DRG2: variants seen among roughly 807,000 people sequenced by gnomAD.
The protein encoded by DRG2 is developmentally regulated GTP binding protein 2.
In DRG2, 36 loss-of-function variants were observed where a neutral mutation model predicts 53.4. The observed-to-expected ratio is 0.67, with a 90% CI of 0.52 to 0.89. The LOEUF (loss-of-function observed/expected upper bound fraction) is 0.89. Ranked by LOEUF, DRG2 falls within the 40% of genes least tolerant of loss-of-function variation. DRG2 has a pLI of 0.00. For synonymous variants in DRG2, 167 were observed against 192.1 expected, an observed-to-expected ratio of 0.87 and a Z score of 1.08; for missense variants, 342 against 481.2, an observed-to-expected ratio of 0.71 and a Z score of 2.71.
At position 18,107,314 on chromosome 17, in the gene DRG2, C is replaced by A; in HGVS notation, c.*74C>A. The A allele has an allele frequency of 6.9e-7, 1 of 1,439,672 alleles. No homozygotes were observed. Among genetic ancestry groups the A allele is most frequent in the East Asian group, 2.3e-5 (1 of 42,754 alleles). 89.2% of individuals were successfully genotyped at this position (1,439,672 alleles called of 1,614,324 possible). A position where few individuals can be genotyped will look rare whatever the true frequency, so the allele number is the denominator to read the frequency against. On this transcript the variant is annotated 3_prime_UTR_variant, in exon 13 of 13. Coordinates refer to ENST00000225729, the MANE Select transcript of DRG2 (RefSeq NM_001388.5). ...TGGTCCCACTGGGACACACAAACAC[C>A]CAAACAGAAAAATACAAATACACGT...
At chr17:18,101,899 GC>G (rs1327243751) in intron 8 of DRG2, 21 bp from the exon 9 acceptor site, 1 of 1,604,638 alleles carries the variant, frequency 6.2e-7, no homozygotes, top group Non-Finnish European at 8.5e-7. Context: ...CTCAGCACCG[GC>G]CTCCACCTTC....
intron 7 of DRG2, among the ~76,000 whole-genome samples, chr17:18,101,061 A>T (rs2045524863): frequency 6.6e-6 from 1 of 152,072 alleles, no homozygotes; most frequent in African/African-American, 2.4e-5. Flanking sequence ...GGGCAGAGTT[A>T]TGCCTGGCAT....
rs1567597881 is a variant in DRG2 at position 18,090,373 on chromosome 17, TATATATATATATA to T, written c.64+2287_64+2299del. 2.4e-3 allele frequency among the ~76,000 whole-genome samples: 26 copies of T among 10,858 alleles called. 3 individuals are homozygous for T. The highest frequency in any genetic ancestry group is 0.021 in the Middle Eastern group (1 of 48). The allele number at this position is 10,858 out of a possible 152,430, so 7.1% of individuals were successfully genotyped here. A position where few individuals can be genotyped will look rare whatever the true frequency, so the allele number is the denominator to read the frequency against. ...CACCACCACACCGGGCTAATTTATA[TATATATATATATA>T]TATATATATATATATATATATTTTT... On this transcript the variant is annotated intron_variant, in intron 1 of 12. Coordinates refer to ENST00000225729, the MANE Select transcript of DRG2 (RefSeq NM_001388.5).
rs2045575578 is a variant in DRG2 at position 18,103,517 on chromosome 17, T to C, written c.807-284T>C. The stretch of plus-strand genomic sequence containing the variant: ...GTCACAGCCCCCGGCCATCTCGCCA[T>C]GGCAGCCCTTCACTAATCACACATG... On this transcript the variant is annotated intron_variant, in intron 9 of 12. Transcript: ENST00000225729. The surrounding 1 kb of genome is among the most constrained non-coding windows in gnomAD (Gnocchi z 4.4). Among the ~76,000 whole-genome samples, 1 of 152,186 alleles carries C rather than the reference T, an allele frequency of 6.6e-6. No homozygotes were observed. The highest frequency in any genetic ancestry group is 1.5e-5 in the Non-Finnish European group (1 of 68,024).
chr17:18,088,336 G>T lies in DRG2; in HGVS notation c.64+249G>T, dbSNP rs915377963. 5.9e-5 allele frequency among the ~76,000 whole-genome samples: 9 copies of T among 152,244 alleles called. 1 individual carries two copies. Among genetic ancestry groups the T allele is most frequent in the Admixed American group, 5.2e-4 (8 of 15,286 alleles). On this transcript the variant is annotated intron_variant, in intron 1 of 12. Transcript: ENST00000225729. ...CCAGACCGTGTGCCCGAGTAGAGTA[G>T]TCCCAGCTCACAGAGCAAGCATCTG... is the stretch of plus-strand genomic sequence containing the variant.
chr17:18,102,505 C>T (rs958882745), intron 9 of DRG2, among the ~76,000 whole-genome samples: 15 of 150,962 alleles, frequency 9.9e-5, no homozygotes, highest in Non-Finnish European at 2.9e-5. Flanking sequence ...CCTATAATCC[C>T]AGCTACTCAG....
chr17:18,101,318 T>C (rs2045531081), intron 7 of DRG2, among the ~76,000 whole-genome samples, 175 bp from the exon 8 acceptor site: 1 of 152,196 alleles, frequency 6.6e-6, no homozygotes, highest in South Asian at 2.1e-4. Context: ...TTGTGGTCCC[T>C]CTGGGGAAGA....
intron 1 of DRG2, 77 bp from the exon 2 acceptor site, chr17:18,093,736 C>A (rs905139794): frequency 1.3e-6 from 2 of 1,512,094 alleles, no homozygotes; most frequent in South Asian, 2.5e-5. Context: ...CAGCACTTGG[C>A]GACATGTGGG....
At chr17:18,092,916 T>G (rs958522336) in intron 1 of DRG2, among the ~76,000 whole-genome samples, 2 of 152,152 alleles carry the variant, frequency 1.3e-5, no homozygotes, top group Non-Finnish European at 2.9e-5. Flanking sequence ...TAGGTAAAGT[T>G]TCAGACAAAG....
rs1597725035 is a variant in DRG2 at position 18,099,881 on chromosome 17, C to T, written c.467+158C>T. The T allele has an allele frequency of 8.4e-6, 6 of 714,224 alleles. No individual in the cohort carries two copies. Among genetic ancestry groups the T allele is most frequent in the Non-Finnish European group, 1.4e-5 (6 of 421,468 alleles). The allele number at this position is 714,224 out of a possible 1,614,324, so 44.2% of individuals were successfully genotyped here. On this transcript the variant is annotated intron_variant, in intron 5 of 12. Coordinates refer to ENST00000225729, the MANE Select transcript of DRG2 (RefSeq NM_001388.5). The surrounding 1 kb of genome is among the most constrained non-coding windows in gnomAD (Gnocchi z 4.4). ...AAACCCAACACCACCCAGCCTATGG[C>T]GTCTTCTCCTCAAGGCTTGTGTCCA...
chr17:18,088,235 C>T, intron 1 of DRG2, 148 bp downstream of exon 1: 1 of 1,018,488 alleles, frequency 9.8e-7, no homozygotes, highest in South Asian at 1.7e-5. Context: ...CCCTGCGCGC[C>T]CAAGGCAGGG....
chr17:18,098,105 G>A lies in DRG2; in HGVS notation c.226-165G>A. On this transcript the variant is annotated intron_variant, in intron 2 of 12. Transcript: ENST00000225729. The surrounding 1 kb of genome is among the most constrained non-coding windows in gnomAD (Gnocchi z 4.1). ...TGACCCATCCAGGACAGGGCCAGAGGTGAGCCCTCTGGCTGGGAGGTCTCT... is the reference window on the plus strand; with the variant it reads ...TGACCCATCCAGGACAGGGCCAGAGATGAGCCCTCTGGCTGGGAGGTCTCT... 1.1e-5 allele frequency: 7 copies of A among 613,114 alleles called. No individual in the cohort carries two copies. The South Asian group carries it at 1.2e-4, about 11-fold the overall frequency. The allele number at this position is 613,114 out of a possible 1,614,324, so 38.0% of individuals were successfully genotyped here.
intron 2 of DRG2, among the ~76,000 whole-genome samples, chr17:18,094,590 A>G (rs375391355): frequency 6.6e-6 from 1 of 152,164 alleles, no homozygotes; most frequent in African/African-American, 2.4e-5. Context: ...TCTGAGGAGC[A>G]CAAGGAGGGC....
intron 1 of DRG2, 99 bp from the exon 2 acceptor site, chr17:18,093,714 T>C: frequency 7.1e-7 from 1 of 1,417,114 alleles, no homozygotes; most frequent in Non-Finnish European, 9.6e-7. Flanking sequence ...TTGACAGCAG[T>C]TGCTTCCCAG....
intron 1 of DRG2, among the ~76,000 whole-genome samples, chr17:18,090,178 C>T (rs533431513): frequency 7.1e-6 from 1 of 140,720 alleles, no homozygotes; most frequent in Non-Finnish European, 1.5e-5. Flanking sequence ...ACCTGACTGA[C>T]ACTGAATCCT....
chr17:18,090,620 G>A (rs1597714616), intron 1 of DRG2, among the ~76,000 whole-genome samples: 1 of 151,192 alleles, frequency 6.6e-6, no homozygotes, highest in Admixed American at 6.6e-5. Flanking sequence ...GGCTGGTTTC[G>A]GACTCCGGAC....
chr17:18,089,037 G>A (rs2045267106), intron 1 of DRG2, among the ~76,000 whole-genome samples: 1 of 152,228 alleles, frequency 6.6e-6, no homozygotes, highest in South Asian at 2.1e-4. Flanking sequence ...CAGGAAGCAA[G>A]CAACACTAGA....
chr17:18,100,469 G>A lies in DRG2; in HGVS notation c.540+34G>A, dbSNP rs747697682. On this transcript the variant is annotated intron_variant, in intron 6 of 12. Coordinates refer to ENST00000225729, the MANE Select transcript of DRG2 (RefSeq NM_001388.5). The surrounding 1 kb of genome is among the most constrained non-coding windows in gnomAD (Gnocchi z 4.1). The stretch of plus-strand genomic sequence containing the variant: ...CCTCTCTGGCCTTCAGGCCAGGGGT[G>A]TGGCAGTTTTGAGACTGCATTGGCT... The A allele has an allele frequency of 1.5e-5, 25 of 1,614,080 alleles. No homozygotes were observed. The African/African-American group carries it at 2.4e-4, about 16-fold the overall frequency.
rs1176609868 is a variant in DRG2, at chr17:18,098,698, T to C, written c.316-319T>C. ...CCCATGAAGCTTCACTGCCTTGGGC[T>C]GTGTTTGCTTTGGGCAGCTGAGTGG... On this transcript the variant is annotated intron_variant, in intron 3 of 12. Coordinates refer to ENST00000225729, the MANE Select transcript of DRG2 (RefSeq NM_001388.5). This position sits in a 1 kb window ranked among gnomAD's most constrained non-coding sequence, Gnocchi z 4.1. Among the ~76,000 whole-genome samples, 1 of 152,230 alleles carries C rather than the reference T, an allele frequency of 6.6e-6. No individual in the cohort carries two copies. The highest frequency in any genetic ancestry group is 1.5e-5 in the Non-Finnish European group (1 of 68,046).
Sources: gnomAD v4.1 joint callset for allele counts (sites outside exome capture counted in the v4.1 genomes callset) on GRCh38, gnomAD v4.1.1 for gene constraint, Gnocchi (gnomAD v3.1) non-coding constraint, MANE v1.5 for transcripts, NCBI Gene and HGNC (gene_info 2026-07-23, HGNC 2026-07-21) for gene names.